Variants in RELN observed in about 807,000 individuals in gnomAD.
RELN encodes reelin.
In RELN, 108 loss-of-function variants were observed where a neutral mutation model predicts 427.6. That is an observed-to-expected ratio of 0.25 (90% CI 0.22 to 0.30). The LOEUF (loss-of-function observed/expected upper bound fraction) is 0.30, where lower values mean the gene tolerates loss of function less well. Ranked by LOEUF, RELN falls within the 10% of genes least tolerant of loss-of-function variation. RELN has a pLI of 1.00. For missense variants in RELN, 3,715 were observed against 4,302.8 expected (o/e 0.86, Z 3.82); for synonymous variants, 1,524 against 1,513.4 (o/e 1.01, Z -0.16).
chr7:103,596,232 T>A lies in RELN; in HGVS notation c.3539+224A>T, dbSNP rs149564685. Among the ~76,000 whole-genome samples the A allele has an allele frequency of 1.1e-4, 16 of 152,350 alleles. No individual in the cohort carries two copies. In the East Asian group the frequency reaches 2.7e-3, roughly 26 times the overall value. On this transcript the variant is annotated intron_variant, in intron 25 of 64. Transcript: ENST00000428762. ...GTTACGTATCTTGCTTTTCTTCTAG[T>A]CACAAGCTTTAAAAAATCTTTAAAA...
chr7:103,881,256 T>C lies in RELN; in HGVS notation c.337+35819A>G, dbSNP rs189611716. Reference sequence around the variant, plus strand: ...TGTAATGAACACTTTCCATTCCTCATCTTTCTTTATCTCATTACAGCATTT... The same window carrying C: ...TGTAATGAACACTTTCCATTCCTCACCTTTCTTTATCTCATTACAGCATTT... On this transcript the variant is annotated intron_variant, in intron 2 of 64. Coordinates refer to ENST00000428762, the MANE Select transcript of RELN (RefSeq NM_005045.4). 8.5e-5 allele frequency among the ~76,000 whole-genome samples: 13 copies of C among 152,274 alleles called. No homozygotes were observed. The East Asian group carries it at 2.3e-3, about 27-fold the overall frequency.
At chr7:103,509,778 A>G (rs79629330) in intron 51 of RELN, among the ~76,000 whole-genome samples, 7,185 of 150,872 alleles carry the variant, frequency 0.048, 236 homozygotes, top group East Asian at 0.17. Context: ...CAGAATCTAC[A>G]AAGACCTTAA....
At chr7:103,790,996 C>G (rs1413931784) in intron 3 of RELN, among the ~76,000 whole-genome samples, 1 of 151,524 alleles carries the variant, frequency 6.6e-6, no homozygotes, top group African/African-American at 2.4e-5. Context: ...CAAAAAAAGA[C>G]AGAAAGAAAA....
At chr7:103,530,713 C>A (rs1829919960) in intron 46 of RELN, among the ~76,000 whole-genome samples, 1 of 152,038 alleles carries the variant, frequency 6.6e-6, no homozygotes. Context: ...ACATTGTTCC[C>A]CTGATTTAGT....
At chr7:103,706,022 T>C (rs1010005742) in intron 8 of RELN, among the ~76,000 whole-genome samples, 5 of 152,224 alleles carry the variant, frequency 3.3e-5, no homozygotes, top group Non-Finnish European at 7.3e-5. Flanking sequence ...AATTTTAAAT[T>C]CATTACTGCT....
intron 19 of RELN, among the ~76,000 whole-genome samples, chr7:103,634,726 T>A (rs1306715295): frequency 6.6e-6 from 1 of 151,934 alleles, no homozygotes; most frequent in Non-Finnish European, 1.5e-5. Flanking sequence ...TTATAAGATA[T>A]ATATAATATA....
chr7:103,718,279 A>G (rs1461298609), intron 8 of RELN, among the ~76,000 whole-genome samples: 1 of 151,514 alleles, frequency 6.6e-6, no homozygotes, highest in African/African-American at 2.4e-5. Flanking sequence ...TAAAGCATTT[A>G]TGATTTAATG....
intron 11 of RELN, among the ~76,000 whole-genome samples, chr7:103,664,522 T>C (rs989350675): frequency 2.6e-5 from 4 of 152,224 alleles, no homozygotes; most frequent in Non-Finnish European, 2.9e-5. Flanking sequence ...AGAGTATATA[T>C]CTAGAAGTGG....
In RELN at chr7:103,532,471, AAAG is replaced by A. The variant is rs561068391; in HGVS notation, c.7349+2842_7349+2844del. On this transcript the variant is annotated intron_variant, in intron 46 of 64. Coordinates refer to ENST00000428762, the MANE Select transcript of RELN (RefSeq NM_005045.4). ...ACTTAAAAGCTGGAAATGAAAAAAAAAAGAAGAAGCTTTTCTGAATGCAAATCT... is the reference window on the plus strand; with the variant it reads ...ACTTAAAAGCTGGAAATGAAAAAAAAAAGAAGCTTTTCTGAATGCAAATCT... 2.6e-3 allele frequency among the ~76,000 whole-genome samples: 403 copies of A among 152,282 alleles called. 1 individual carries two copies. Among genetic ancestry groups the A allele is most frequent in the African/African-American group, 3.8e-3 (156 of 41,556 alleles).
In RELN at chr7:103,603,385, T is replaced by C; in HGVS notation, c.3252A>G (p.Gln1084=). 6.2e-7 allele frequency: 1 copy of C among 1,613,938 alleles called. No individual in the cohort carries two copies. Among genetic ancestry groups the C allele is most frequent in the Non-Finnish European group, 8.5e-7 (1 of 1,179,860 alleles). ...ENQNGWESDW[Q]EVIGGEIVKP... ...TTACAATTTCTCCCCCAATAACTTC[T>C]TGCCAGTCAGACTCCCAGCCATTCT... Residue 1084 remains glutamine (Q), a synonymous_variant, in exon 24 of 65, where the codon CAA becomes CAG. Transcript: ENST00000428762. The surrounding 1 kb of genome is among the most constrained non-coding windows in gnomAD (Gnocchi z 4.3).
At chr7:103,718,899 T>G (rs1001373441) in intron 8 of RELN, among the ~76,000 whole-genome samples, 1 of 152,142 alleles carries the variant, frequency 6.6e-6, no homozygotes, top group Admixed American at 6.6e-5. Flanking sequence ...ACAAGTATAT[T>G]ACTTGGTAAA....
intron 3 of RELN, among the ~76,000 whole-genome samples, chr7:103,812,974 C>A (rs931872642): frequency 1.3e-5 from 2 of 152,160 alleles, no homozygotes; most frequent in Non-Finnish European, 2.9e-5. Context: ...TTTCCTGTCT[C>A]TAACAATCTC....
rs189290977 is a variant in RELN at position 103,931,521 on chromosome 7, C to T, written c.227-14336G>A. Among the ~76,000 whole-genome samples, 583 of 152,210 alleles carry T rather than the reference C, an allele frequency of 3.8e-3. 2 individuals carry two copies. The highest frequency in any genetic ancestry group is 0.013 in the African/African-American group (552 of 41,488). On this transcript the variant is annotated intron_variant, in intron 1 of 64. Coordinates refer to ENST00000428762, the MANE Select transcript of RELN (RefSeq NM_005045.4). The stretch of plus-strand genomic sequence containing the variant: ...GGCAATGTCTGATCCCTCATTGCAT[C>T]CCCAACACCACTGAGCATAGTCCCT...
intron 20 of RELN, among the ~76,000 whole-genome samples, chr7:103,623,454 T>A (rs750563931): frequency 6.6e-6 from 1 of 152,350 alleles, no homozygotes; most frequent in East Asian, 1.9e-4. Context: ...TTCTATAGGT[T>A]GATTCATTTT....
At chr7:103,557,552 G>A (rs149546676) in intron 37 of RELN, among the ~76,000 whole-genome samples, 10 of 152,188 alleles carry the variant, frequency 6.6e-5, no homozygotes, top group Admixed American at 6.5e-4. Flanking sequence ...AATTTGTTCA[G>A]GAAAATTATT....
intron 46 of RELN, among the ~76,000 whole-genome samples, chr7:103,528,534 A>G (rs1829872435): frequency 6.7e-6 from 1 of 148,780 alleles, no homozygotes; most frequent in African/African-American, 2.5e-5. Context: ...TGTACACTTT[A>G]TTTTTTTGAG....
intron 1 of RELN, among the ~76,000 whole-genome samples, chr7:103,919,019 A>T (rs1795551754): frequency 6.6e-6 from 1 of 152,162 alleles, no homozygotes; most frequent in South Asian, 2.1e-4. Context: ...ATTTTTTAGG[A>T]AAAAATGATA....
chr7:103,755,976 A>C (rs1019214193), intron 4 of RELN, among the ~76,000 whole-genome samples: 3 of 152,192 alleles, frequency 2.0e-5, no homozygotes, highest in Admixed American at 6.5e-5. Context: ...GTTGTGAAAT[A>C]AACTGGTTAA....
Position 103,718,659 on chromosome 7 carries a change from T to C in RELN, c.805+4481A>G, listed in dbSNP as rs1322209907. On this transcript the variant is annotated intron_variant, in intron 8 of 64. Transcript: ENST00000428762. Reference sequence around the variant, plus strand: ...CAGTTTAACACTTGGTAACATACTATTATAGATGTCTTTGTAATGGTTACT... The same window carrying C: ...CAGTTTAACACTTGGTAACATACTACTATAGATGTCTTTGTAATGGTTACT... Among the ~76,000 whole-genome samples the C allele has an allele frequency of 2.6e-5, 4 of 152,258 alleles. No individual in the cohort carries two copies. The East Asian group carries it at 7.7e-4, about 29-fold the overall frequency.
Sources: allele counts gnomAD v4.1 joint callset (sites outside exome capture counted in the v4.1 genomes callset), GRCh38; gene constraint gnomAD v4.1.1; non-coding constraint Gnocchi (gnomAD v3.1); transcripts MANE v1.5; gene names NCBI Gene and HGNC (gene_info 2026-07-23, HGNC 2026-07-21).